Variants in PXDNL observed in about 807,000 individuals in gnomAD.
PXDNL encodes probable oxidoreductase PXDNL.
PXDNL carries 145 observed loss-of-function variants against 150.8 expected under a neutral mutation model. The ratio of observed to expected loss-of-function variants is 0.96; its 90% CI spans 0.84 to 1.10. PXDNL has a LOEUF of 1.10. PXDNL is among the 50% of genes least tolerant of loss of function. The pLI, the probability that PXDNL is intolerant of heterozygous loss-of-function variation, is 0.00. For missense variants in PXDNL, 2,087 were observed against 1,873.9 expected (o/e 1.11, Z -2.10); for synonymous variants, 757 against 725.7 (o/e 1.04, Z -0.69).
At chr8:51,381,596 G>T (rs537696915) in intron 17 of PXDNL, among the ~76,000 whole-genome samples, 57 of 151,940 alleles carry the variant, frequency 3.8e-4, no homozygotes, top group South Asian at 1.5e-3. Context: ...TCATTAGGGT[G>T]GACCCTGATC....
intron 4 of PXDNL, among the ~76,000 whole-genome samples, chr8:51,516,742 A>G (rs1811549503): frequency 6.6e-6 from 1 of 152,176 alleles, no homozygotes; most frequent in African/African-American, 2.4e-5. Flanking sequence ...ATTCCTTGGT[A>G]GTAAAATGCT....
intron 4 of PXDNL, among the ~76,000 whole-genome samples, chr8:51,527,252 A>C (rs947406190): frequency 2.0e-5 from 3 of 150,988 alleles, no homozygotes; most frequent in African/African-American, 7.4e-5. Flanking sequence ...TTGCCTTCAC[A>C]CACCCCCTTC....
chr8:51,807,983 C>A (rs528915028), intron 1 of PXDNL, among the ~76,000 whole-genome samples: 157 of 152,266 alleles, frequency 1.0e-3, no homozygotes, highest in African/African-American at 3.5e-3. Context: ...AGAATCCTTT[C>A]AGTTATTACA....
chr8:51,758,251 T>C (rs2037124183), intron 1 of PXDNL, among the ~76,000 whole-genome samples: 1 of 152,206 alleles, frequency 6.6e-6, no homozygotes, highest in South Asian at 2.1e-4. Flanking sequence ...CATACATATA[T>C]ATGAATGTAA....
chr8:51,331,798 G>A (rs1359895651), intron 21 of PXDNL, among the ~76,000 whole-genome samples: 5 of 152,016 alleles, frequency 3.3e-5, no homozygotes, highest in African/African-American at 7.3e-5. Flanking sequence ...CAGTGACCTG[G>A]GAATCTCATC....
At chr8:51,437,290 A>T (rs1271550068) in intron 12 of PXDNL, among the ~76,000 whole-genome samples, 1 of 152,218 alleles carries the variant, frequency 6.6e-6, no homozygotes, top group Non-Finnish European at 1.5e-5. Flanking sequence ...TCTTATTGAC[A>T]CTATTCCACA....
chr8:51,765,799 TTTGTTAAATCAAAA>T (rs2037222578), intron 1 of PXDNL, among the ~76,000 whole-genome samples: 1 of 152,082 alleles, frequency 6.6e-6, no homozygotes, highest in Admixed American at 6.6e-5. Flanking sequence ...TGCCTACTTC[TTTGTTAAATCAAAA>T]TTCTCTACTG....
chr8:51,588,725 C>T (rs1813379107), intron 3 of PXDNL, among the ~76,000 whole-genome samples: 1 of 152,102 alleles, frequency 6.6e-6, no homozygotes, highest in African/African-American at 2.4e-5. Flanking sequence ...GTTTGTCTTA[C>T]TCTAAGGGAG....
In PXDNL at chr8:51,768,892, G is replaced by A. The variant is rs545657199; in HGVS notation, c.164+40289C>T. ...GGGCGGATCACGAGGTCAGGAGATC[G>A]AGACTATCCTGGCTAACACAGTGAA... On this transcript the variant is annotated intron_variant, in intron 1 of 22. Transcript: ENST00000356297. Among the ~76,000 whole-genome samples, 10 of 152,272 alleles carry A rather than the reference G, an allele frequency of 6.6e-5. No homozygotes were observed. In the South Asian group the frequency reaches 1.2e-3, roughly 19 times the overall value.
At chr8:51,710,198 C>G (rs910604701) in intron 1 of PXDNL, among the ~76,000 whole-genome samples, 1 of 152,220 alleles carries the variant, frequency 6.6e-6, no homozygotes, top group African/African-American at 2.4e-5. Context: ...GGCAGCCAGA[C>G]AAAATCTGTC....
At chr8:51,590,602 C>T (rs991394158) in intron 3 of PXDNL, among the ~76,000 whole-genome samples, 7 of 152,200 alleles carry the variant, frequency 4.6e-5, no homozygotes, top group African/African-American at 1.2e-4. Flanking sequence ...CATTGTTTTC[C>T]CTATTAGATT....
intron 1 of PXDNL, among the ~76,000 whole-genome samples, chr8:51,707,187 C>G (rs189491009): frequency 6.6e-6 from 1 of 152,310 alleles, no homozygotes; most frequent in East Asian, 1.9e-4. Flanking sequence ...CGCTCTCTCT[C>G]TGTCCAGTGG....
chr8:51,427,145 G>A (rs937184064), intron 12 of PXDNL, among the ~76,000 whole-genome samples: 6 of 152,110 alleles, frequency 3.9e-5, no homozygotes, highest in Non-Finnish European at 8.8e-5. Flanking sequence ...GCTCTTCAGT[G>A]AGCATCTCAT....
chr8:51,347,775 A>G (rs948190897), intron 19 of PXDNL, among the ~76,000 whole-genome samples: 6 of 150,944 alleles, frequency 4.0e-5, no homozygotes, highest in African/African-American at 1.5e-4. Flanking sequence ...AAGTCAAGAC[A>G]TTCTAGATAA....
intron 1 of PXDNL, among the ~76,000 whole-genome samples, chr8:51,790,695 G>A (rs1227604811): frequency 1.3e-5 from 2 of 151,904 alleles, no homozygotes; most frequent in African/African-American, 4.8e-5. Flanking sequence ...AGGCGGCGGA[G>A]GGCAGCGGGG....
intron 2 of PXDNL, among the ~76,000 whole-genome samples, chr8:51,637,290 G>A (rs1477809041): frequency 1.3e-5 from 2 of 152,158 alleles, no homozygotes; most frequent in Non-Finnish European, 2.9e-5. Context: ...AAAAATCAGA[G>A]TGCCTCTCCC....
At chr8:51,439,899 C>A (rs925794338) in intron 12 of PXDNL, among the ~76,000 whole-genome samples, 1 of 151,556 alleles carries the variant, frequency 6.6e-6, no homozygotes, top group Non-Finnish European at 1.5e-5. Context: ...GATATTTACC[C>A]AGAGGAAAAG....
At chr8:51,407,678 C>T (rs1808475165) in intron 17 of PXDNL, among the ~76,000 whole-genome samples, 1 of 152,172 alleles carries the variant, frequency 6.6e-6, no homozygotes, top group Non-Finnish European at 1.5e-5. Flanking sequence ...CACTACTTTT[C>T]TCTCCCTAAG....
chr8:51,612,270 A>G (rs1814024668), intron 2 of PXDNL, among the ~76,000 whole-genome samples: 2 of 151,940 alleles, frequency 1.3e-5, no homozygotes. Context: ...TTGTCCTCTG[A>G]CCTCCAGCTG....
Sources: gnomAD v4.1 joint callset for allele counts (sites outside exome capture counted in the v4.1 genomes callset) on GRCh38, gnomAD v4.1.1 for gene constraint, MANE v1.5 for transcripts, NCBI Gene and HGNC (gene_info 2026-07-23, HGNC 2026-07-21) for gene names.